The following C21orf58 variants were observed in gnomAD, a reference collection of about 807,000 sequenced individuals.
The protein encoded by C21orf58 is chromosome 21 open reading frame 58.
A neutral mutation model predicts 35.8 loss-of-function variants in C21orf58; 34 were observed. The ratio of observed to expected loss-of-function variants is 0.95; its 90% CI spans 0.72 to 1.26. The LOEUF (loss-of-function observed/expected upper bound fraction) is 1.26, where lower values mean the gene tolerates loss of function less well. Among genes scored for constraint, C21orf58 ranks in the 50% most tolerant of loss-of-function variants. The pLI is 0.00. For missense variants in C21orf58, 440 were observed against 414.3 expected (o/e 1.06, Z -0.54); for synonymous variants, 191 against 175.8 (o/e 1.09, Z -0.68).
rs117451772 is a variant in C21orf58 at position 46,315,555 on chromosome 21, G to A, written c.371-8C>T. The A allele has an allele frequency of 0.026, 41,238 of 1,595,238 alleles. 596 individuals are homozygous for A. The highest frequency in any genetic ancestry group is 0.028 in the Non-Finnish European group (33,052 of 1,163,268). On this transcript the variant is annotated splice_polypyrimidine_tract_variant and splice_region_variant and intron_variant, in intron 3 of 7. Coordinates refer to ENST00000291691, the MANE Select transcript of C21orf58 (RefSeq NM_058180.5). ...CCGGCCGGTCCTCATTTCCTGGAGG[G>A]AAGAACCTGCTTGCTTACCAAGGAA...
rs544945414 is a variant in C21orf58, at chr21:46,302,172, G to A, written c.814-18C>T. On this transcript the variant is annotated intron_variant, in intron 7 of 7. Transcript: ENST00000291691. ...GGCGGGTCCTGCCACAGACGCACCT[G>A]CTGCTTAGGACGCAGCCCAGGCTGC... 9.6e-6 allele frequency: 14 copies of A among 1,463,980 alleles called. No individual in the cohort carries two copies. In the Admixed American group the frequency reaches 3.3e-4, roughly 35 times the overall value. 90.7% of individuals were successfully genotyped at this position (1,463,980 alleles called of 1,614,324 possible). A position where few individuals can be genotyped will look rare whatever the true frequency, so the allele number is the denominator to read the frequency against.
chr21:46,303,706 A>ACAC (rs1209729930), intron 6 of C21orf58, among the ~76,000 whole-genome samples: 2 of 25,764 alleles, frequency 7.8e-5, no homozygotes, highest in South Asian at 1.5e-3. Context: ...ACACACACAC[A>ACAC]AAATATATAT....
chr21:46,315,108 G>C, intron 4 of C21orf58: 1 of 1,284,180 alleles, frequency 7.8e-7, no homozygotes, highest in Non-Finnish European at 1.1e-6. Context: ...CCAGCCCCAG[G>C]GTCTGTTCTC....
rs1360177122 is a variant in C21orf58, at chr21:46,323,448, C to A, written c.-710G>T. The A allele has an allele frequency of 6.6e-6, 1 of 152,324 alleles. No homozygotes were observed. The highest frequency in any genetic ancestry group is 2.4e-5 in the African/African-American group (1 of 41,408). 9.4% of individuals were successfully genotyped at this position (152,324 alleles called of 1,614,324 possible). ...TGAGACACACGAGCAGACACGGGCT[C>A]GGTCGGGAAAGGCGGGAGCTCCAAG... is the stretch of plus-strand genomic sequence containing the variant. On this transcript the variant is annotated 5_prime_UTR_variant, in exon 1 of 8. The change creates a premature stop within an existing upstream ORF in the 5' untranslated region. Coordinates refer to ENST00000291691, the MANE Select transcript of C21orf58 (RefSeq NM_058180.5).
At chr21:46,320,512 C>CAAAAA (rs34940024) in intron 1 of C21orf58, 1 of 64,662 alleles carries the variant, frequency 1.5e-5, no homozygotes, top group Non-Finnish European at 2.6e-5. Context: ...AACTCCACCT[C>CAAAAA]AAAAAAAAAA....
intron 5 of C21orf58, among the ~76,000 whole-genome samples, chr21:46,312,596 G>A (rs1021950775): frequency 6.6e-6 from 1 of 152,188 alleles, no homozygotes; most frequent in African/African-American, 2.4e-5. Context: ...CCAGGCAGGG[G>A]AAATGCAGTA....
At chr21:46,303,580 G>C (rs1029715474) in intron 6 of C21orf58, among the ~76,000 whole-genome samples, 1 of 149,118 alleles carries the variant, frequency 6.7e-6, no homozygotes, top group South Asian at 2.1e-4. Context: ...GGCCAGGCAC[G>C]GTGGCTCATG....
At chr21:46,313,323 G>A (rs1275135633) in intron 5 of C21orf58, among the ~76,000 whole-genome samples, 5 of 152,190 alleles carry the variant, frequency 3.3e-5, no homozygotes, top group Non-Finnish European at 5.9e-5. Flanking sequence ...TGGCTTGCAG[G>A]TTGTGTGAGA....
At chr21:46,304,745 T>C (rs1479368298) in intron 6 of C21orf58, among the ~76,000 whole-genome samples, 1 of 152,144 alleles carries the variant, frequency 6.6e-6, no homozygotes, top group African/African-American at 2.4e-5. Flanking sequence ...GTCCTAGGCA[T>C]GCGTTCCATT....
intron 6 of C21orf58, among the ~76,000 whole-genome samples, chr21:46,307,739 C>T (rs939404570): frequency 6.6e-6 from 1 of 152,178 alleles, no homozygotes; most frequent in African/African-American, 2.4e-5. Flanking sequence ...AGGCAGGTCA[C>T]TGGGACAGAT....
In C21orf58 at chr21:46,323,717, C is replaced by G. The variant is rs2083254486; in HGVS notation, c.-979G>C. 4.8e-6 allele frequency: 1 copy of G among 207,518 alleles called. No homozygotes were observed. Among genetic ancestry groups the G allele is most frequent in the African/African-American group, 2.4e-5 (1 of 41,698 alleles). 12.9% of individuals were successfully genotyped at this position (207,518 alleles called of 1,614,324 possible). ...TCCCGCGGCGGCCCACAGCCAACGA[C>G]TAATGCCTGAGCGGGAGAAAACGGC... On this transcript the variant is annotated 5_prime_UTR_variant, in exon 1 of 8. Transcript: ENST00000291691.
chr21:46,300,662 C>T (rs7278766), downstream of C21orf58: 39,184 of 1,259,932 alleles, frequency 0.031, 4,452 homozygotes, highest in African/African-American at 0.35. Context: ...CACCAGGTGG[C>T]TGTCCCTGGG....
At position 46,318,095 on chromosome 21, in the gene C21orf58, G is replaced by A. The variant is rs987982431; in HGVS notation, c.226C>T (p.Gln76Ter). Residue 76 changes from glutamine (Q) to a stop codon, truncating the protein, a stop_gained, in exon 2 of 8, where the codon CAG (glutamine) becomes TAG (stop). Transcript: ENST00000291691. LOFTEE classifies it high-confidence loss of function. ...ATGGTGGGAGCTGCAGGAGACGACT[G>A]TAGGGGCAGGGGAGGCCACAGCCCA... ...GGGLWPPLPLQSSPAAPTMLD... is the reference protein window; with the variant it reads ...GGGLWPPLPL 2 of 1,613,358 alleles carry A rather than the reference G, an allele frequency of 1.2e-6. No individual in the cohort carries two copies. Among genetic ancestry groups the A allele is most frequent in the Non-Finnish European group, 1.7e-6 (2 of 1,180,012 alleles).
intron 1 of C21orf58, chr21:46,319,237 C>G (rs1386421638): frequency 6.6e-6 from 1 of 152,296 alleles, no homozygotes; most frequent in Non-Finnish European, 1.5e-5. Context: ...CACCTTACTC[C>G]TGCTGGCCCT....
rs190193175 is a variant in C21orf58 at position 46,306,247 on chromosome 21, G to A, written c.722-3671C>T. Among the ~76,000 whole-genome samples the A allele has an allele frequency of 1.5e-3, 221 of 152,126 alleles. 2 individuals carry two copies. The highest frequency in any genetic ancestry group is 0.01 in the Middle Eastern group (3 of 294). Reference sequence around the variant, plus strand: ...GGTAGGGCCGGGCATGGTGGCTCACGCCTGTAATCCCAGCACTTTGGGAGG... The same window carrying A: ...GGTAGGGCCGGGCATGGTGGCTCACACCTGTAATCCCAGCACTTTGGGAGG... On this transcript the variant is annotated intron_variant, in intron 6 of 7. Transcript: ENST00000291691.
chr21:46,315,181 T>G, intron 4 of C21orf58: 1 of 637,634 alleles, frequency 1.6e-6, no homozygotes, highest in Non-Finnish European at 2.7e-6. Flanking sequence ...CGGCCCCACC[T>G]CCCCTGCATC....
Position 46,302,494 on chromosome 21 carries a change from T to G in C21orf58, c.804A>C (p.Pro268=). 1.9e-6 allele frequency: 3 copies of G among 1,610,104 alleles called. No homozygotes were observed. The highest frequency in any genetic ancestry group is 1.7e-4 in the Middle Eastern group (1 of 6,000). ...TGGGGGCTAAGCCTACCTGCAGGGC[T>G]GGGGGCAGGGCCTTGAGCATCCAGT... ...LQNWMLKALP[P]ALQDPPHVPP... Residue 268 remains proline (P), a synonymous_variant, in exon 7 of 8, where the codon CCA becomes CCC. Transcript: ENST00000291691.
At chr21:46,319,921 A>T (rs763714213) in intron 1 of C21orf58, among the ~76,000 whole-genome samples, 56 of 152,134 alleles carry the variant, frequency 3.7e-4, no homozygotes, top group Admixed American at 5.9e-4. Flanking sequence ...AAAAAATAAA[A>T]AAATAAATAA....
chr21:46,321,418 CTT>C (rs1295545000), intron 1 of C21orf58, among the ~76,000 whole-genome samples: 1 of 152,194 alleles, frequency 6.6e-6, no homozygotes, highest in Non-Finnish European at 1.5e-5. Context: ...GAAGTCCACA[CTT>C]TGACAGTTTC....
Sources: allele counts gnomAD v4.1 joint callset (sites outside exome capture counted in the v4.1 genomes callset), GRCh38; gene constraint gnomAD v4.1.1; transcripts MANE v1.5; gene names NCBI Gene and HGNC (gene_info 2026-07-23, HGNC 2026-07-21).